Variants in PLXNB2 observed in about 807,000 individuals in gnomAD.
PLXNB2 encodes the protein plexin-B2.
In PLXNB2, 85 loss-of-function variants were observed where a neutral mutation model predicts 202.6. The ratio of observed to expected loss-of-function variants is 0.42; its 90% CI spans 0.35 to 0.50. PLXNB2 has a LOEUF of 0.50. Ranked by LOEUF, PLXNB2 falls within the 20% of genes least tolerant of loss-of-function variation. The pLI is 0.02. For synonymous variants in PLXNB2, 1,239 were observed against 1,137.6 expected, an observed-to-expected ratio of 1.09 and a Z score of -1.79; for missense variants, 2,063 against 2,586.2, an observed-to-expected ratio of 0.80 and a Z score of 4.39.
chr22:50,300,063 AC>A (rs1473371325), intron 1 of PLXNB2, among the ~76,000 whole-genome samples: 1 of 151,978 alleles, frequency 6.6e-6, no homozygotes, highest in Non-Finnish European at 1.5e-5. Flanking sequence ...CCCAAGCTCC[AC>A]GGCCACCGCC....
In PLXNB2 at chr22:50,282,728, C is replaced by T. The variant is rs751555428; in HGVS notation, c.2970G>A (p.Pro990=). ...AGCCTCACCTGGCAAAGCTTCGTAG[C>T]GGCTCGAAGGCTCGCAGTACGGGGT... is the stretch of plus-strand genomic sequence containing the variant. ...RENPVLRAFE[P]LRSFASGGRS... is the part of the protein sequence containing the mutation. Residue 990 remains proline (P), a synonymous_variant, in exon 18 of 37, where the codon CCG becomes CCA. Coordinates refer to ENST00000359337, the MANE Select transcript of PLXNB2 (RefSeq NM_012401.4). 33 of 1,599,730 alleles carry T rather than the reference C, an allele frequency of 2.1e-5. No individual in the cohort carries two copies. The highest frequency in any genetic ancestry group is 5.4e-5 in the African/African-American group (4 of 74,514).
intron 8 of PLXNB2, among the ~76,000 whole-genome samples, chr22:50,286,601 C>G (rs111516598): frequency 6.6e-6 from 1 of 152,224 alleles, no homozygotes; most frequent in Non-Finnish European, 1.5e-5. Context: ...TCTGTTCCCG[C>G]AGGCACTGAG....
chr22:50,293,045 T>C (rs912521772), intron 2 of PLXNB2, among the ~76,000 whole-genome samples: 19 of 152,144 alleles, frequency 1.2e-4, no homozygotes, highest in African/African-American at 4.3e-4. Context: ...GGCCGACTGG[T>C]GGCAGAGAGG....
At position 50,289,850 on chromosome 22, in the gene PLXNB2, C is replaced by G. The variant is rs769167348; in HGVS notation, c.735G>C (p.Leu245=). Residue 245 remains leucine (L), a synonymous_variant, in exon 3 of 37, where the codon CTG becomes CTC. Coordinates refer to ENST00000359337, the MANE Select transcript of PLXNB2 (RefSeq NM_012401.4). This position sits in a 1 kb window ranked among gnomAD's most constrained non-coding sequence, Gnocchi z 8.0. ...GGTCTTCTCTGCACATGCGTGCCAG[C>G]AGCGTGCGGTTCCGGGCCGGGTGCT... ...QDKHPARNRT[L]LARMCREDPN... is the part of the protein sequence containing the mutation. The G allele has an allele frequency of 1.2e-6, 2 of 1,613,292 alleles. No individual in the cohort carries two copies. Among genetic ancestry groups the G allele is most frequent in the East Asian group, 2.2e-5 (1 of 44,896 alleles).
intron 8 of PLXNB2, 21 bp downstream of exon 8, chr22:50,287,090 G>C: frequency 6.7e-7 from 1 of 1,483,590 alleles, no homozygotes; most frequent in Non-Finnish European, 9.0e-7. Context: ...GGCCACCCGG[G>C]GGCTCGGGAA....
intron 1 of PLXNB2, among the ~76,000 whole-genome samples, chr22:50,299,190 G>A (rs1401198830): frequency 6.6e-6 from 1 of 152,186 alleles, no homozygotes; most frequent in African/African-American, 2.4e-5. Context: ...GAGGGCAGGA[G>A]GGGGTGGCAT....
chr22:50,275,860 T>C (rs5771118), intron 36 of PLXNB2, 29 bp downstream of exon 36: 1,195,556 of 1,609,070 alleles, frequency 0.74, 447,459 homozygotes, highest in African/African-American at 0.88. Flanking sequence ...GCACCCCACC[T>C]GCCCCCGCCC....
chr22:50,304,541 A>C (rs2067819420), intron 1 of PLXNB2, among the ~76,000 whole-genome samples: 1 of 152,144 alleles, frequency 6.6e-6, no homozygotes, highest in Non-Finnish European at 1.5e-5. Context: ...GGGAAGAAGC[A>C]GGCCCTGTGT....
intron 2 of PLXNB2, among the ~76,000 whole-genome samples, chr22:50,293,309 C>T (rs984257848): frequency 7.9e-5 from 12 of 152,150 alleles, no homozygotes; most frequent in Admixed American, 7.2e-4. Context: ...CAGCCACAGC[C>T]CATGGCCCTA....
At chr22:50,300,159 C>G in intron 1 of PLXNB2, 9 of 628,134 alleles carry the variant, frequency 1.4e-5, no homozygotes, top group Non-Finnish European at 1.8e-5. Flanking sequence ...CTGGGACAAA[C>G]CTCACCAGGC....
rs1303532696 is a variant in PLXNB2, at chr22:50,289,579, C to T, written c.1006G>A (p.Glu336Lys). 2.7e-5 allele frequency: 44 copies of T among 1,611,498 alleles called. No individual in the cohort carries two copies. The highest frequency in any genetic ancestry group is 3.6e-5 in the Non-Finnish European group (43 of 1,179,896). Residue 336 changes from glutamate (E) to lysine (K), a missense_variant, in exon 3 of 37, where the codon GAG becomes AAG. Physicochemically the swap from Glu to Lys is moderately conservative, Grantham distance 56. Around this residue, in one of 2 missense-constraint regions of PLXNB2, gnomAD observed 1,303 missense variants for 1,476.8 expected, o/e 0.88. Coordinates refer to ENST00000359337, the MANE Select transcript of PLXNB2 (RefSeq NM_012401.4). This position sits in a 1 kb window ranked among gnomAD's most constrained non-coding sequence, Gnocchi z 8.0. ...GGCTTGTAGAAGATGTCACGGGCCT[C>T]CCGGGTGCCTGTGTAACAGGCGTTG... is the stretch of plus-strand genomic sequence containing the variant. ...NRNACYTGTR[E>K]ARDIFYKPFH...
chr22:50,286,858 G>A (rs1477175903), intron 8 of PLXNB2, among the ~76,000 whole-genome samples: 1 of 152,186 alleles, frequency 6.6e-6, no homozygotes, highest in Non-Finnish European at 1.5e-5. Context: ...GACGTGATGA[G>A]GGAGCAGGCT....
intron 17 of PLXNB2, 48 bp downstream of exon 17, chr22:50,283,002 A>G (rs1291067479): frequency 1.3e-6 from 2 of 1,582,004 alleles, no homozygotes; most frequent in South Asian, 1.2e-5. Context: ...CCCCCTCCAT[A>G]CCCAGGGCCA....
rs912679758 is a variant in PLXNB2 at position 50,288,633 on chromosome 22, C to T, written c.1380+110G>A. Reference sequence around the variant, plus strand: ...ATCCAGACCAAGGAGAAGGGCCCAGCTCTGCAGCACCCCATCCTCCTCTGG... The same window carrying T: ...ATCCAGACCAAGGAGAAGGGCCCAGTTCTGCAGCACCCCATCCTCCTCTGG... On this transcript the variant is annotated intron_variant, in intron 5 of 36. Coordinates refer to ENST00000359337, the MANE Select transcript of PLXNB2 (RefSeq NM_012401.4). This position sits in a 1 kb window ranked among gnomAD's most constrained non-coding sequence, Gnocchi z 5.0. The T allele has an allele frequency of 1.6e-5, 24 of 1,462,438 alleles. No individual in the cohort carries two copies. The highest frequency in any genetic ancestry group is 1.8e-5 in the Non-Finnish European group (20 of 1,087,406). The allele number at this position is 1,462,438 out of a possible 1,614,324, so 90.6% of individuals were successfully genotyped here.
intron 2 of PLXNB2, 115 bp from the exon 3 acceptor site, chr22:50,290,712 C>T (rs1233395704): frequency 6.2e-6 from 7 of 1,135,010 alleles, no homozygotes; most frequent in East Asian, 5.2e-5. Flanking sequence ...CGCCACTCCA[C>T]GAACTGAGGA....
In PLXNB2 at chr22:50,279,655, C is replaced by T. The variant is rs2147350468; in HGVS notation, c.4364G>A (p.Gly1455Glu). The T allele has an allele frequency of 1.2e-6, 2 of 1,613,986 alleles. No individual in the cohort carries two copies. The highest frequency in any genetic ancestry group is 1.7e-6 in the Non-Finnish European group (2 of 1,179,988). Residue 1455 changes from glycine to glutamate, a missense_variant, in exon 27 of 37, where the codon GGG (glycine) becomes GAG (glutamate). Physicochemically the swap from Gly to Glu is moderately conservative, Grantham distance 98 (BLOSUM62 -2). This residue lies in a region of PLXNB2 where 760 missense variants were observed against 1,109.4 expected (regional missense o/e 0.69). Transcript: ENST00000359337. Reference protein sequence around the residue: ...KYTLNDTGLLGDDVEYAPLTV... With the variant: ...KYTLNDTGLLEDDVEYAPLTV... ...CAGGGGTGCGTACTCCACATCATCC[C>T]CCAGCAGCCCCGTGTCGTTGAGAGT...
chr22:50,290,054 G>A lies in PLXNB2; in HGVS notation c.531C>T (p.His177=), dbSNP rs370376989. The A allele has an allele frequency of 1.2e-5, 20 of 1,613,296 alleles. No individual in the cohort carries two copies. Among genetic ancestry groups the A allele is most frequent in the South Asian group, 3.3e-5 (3 of 91,094 alleles). Residue 177 remains histidine, a synonymous_variant, in exon 3 of 37, where the codon CAC becomes CAT. Transcript: ENST00000359337. Reference sequence around the variant, plus strand: ...GAGTGCTCACGATGATGCCGTTGTCGTGTGGCCCATTGCCTTTGCCCACAA... The same window carrying A: ...GAGTGCTCACGATGATGCCGTTGTCATGTGGCCCATTGCCTTTGCCCACAA... ...VLFVGKGNGP[H]DNGIIVSTRL... is the part of the protein sequence containing the mutation.
rs375132799 is a variant in PLXNB2, at chr22:50,288,866, G to A, written c.1257C>T (p.Tyr419=). 1.9e-6 allele frequency: 3 copies of A among 1,613,390 alleles called. No homozygotes were observed. The highest frequency in any genetic ancestry group is 2.5e-6 in the Non-Finnish European group (3 of 1,179,952). ...CTGAGGAGGTGCCATCTGGGGTGAG[G>A]TACACCTGTGTGCGCGAGGGCAGGC... ...GTSDGRILKV[Y]LTPDGTSSEY... is the part of the protein sequence containing the mutation. The change falls in exon 5 of 37, where the codon TAC becomes TAT. Residue 419 remains tyrosine, a synonymous_variant. Coordinates refer to ENST00000359337, the MANE Select transcript of PLXNB2 (RefSeq NM_012401.4). The surrounding 1 kb of genome is among the most constrained non-coding windows in gnomAD (Gnocchi z 5.0).
At chr22:50,292,660 G>C (rs574115259) in intron 2 of PLXNB2, among the ~76,000 whole-genome samples, 1 of 152,108 alleles carries the variant, frequency 6.6e-6, no homozygotes, top group East Asian at 1.9e-4. Context: ...TCCGTAGCCA[G>C]GGGAAGTGTT....
Sources: allele counts gnomAD v4.1 joint callset (sites outside exome capture counted in the v4.1 genomes callset), GRCh38; gene constraint gnomAD v4.1.1; regional missense constraint gnomAD v4.1.1; non-coding constraint Gnocchi (gnomAD v3.1); transcripts MANE v1.5; gene names NCBI Gene and HGNC (gene_info 2026-07-23, HGNC 2026-07-21).